Variants in TIAL1 observed in about 807,000 individuals in gnomAD.
TIAL1 encodes the protein nucleolysin TIAR.
A neutral mutation model predicts 59.7 loss-of-function variants in TIAL1; 7 were observed. That is an observed-to-expected ratio of 0.12 (90% confidence interval 0.07 to 0.22). TIAL1 has a LOEUF of 0.22. Ranked by LOEUF, TIAL1 falls within the 10% of genes least tolerant of loss-of-function variation. The probability of loss-of-function intolerance (pLI) is 1.00; values close to 1 mark genes in which losing one functional copy is unlikely to be tolerated. For synonymous variants in TIAL1, 149 were observed against 146.3 expected (o/e 1.02, Z -0.13); for missense variants, 225 against 462.5 (o/e 0.49, Z 4.71).
Position 119,575,632 on chromosome 10 carries a change from T to C in TIAL1, c.*33A>G, listed in dbSNP as rs773689402. On this transcript the variant is annotated 3_prime_UTR_variant, in exon 12 of 12. Transcript: ENST00000436547. The stretch of plus-strand genomic sequence containing the variant: ...GAGTGTCACAGGAAATCGAAGCCTA[T>C]CATGAATTACAATTTTTTTTTAGAG... 1.2e-6 allele frequency: 2 copies of C among 1,612,662 alleles called. No homozygotes were observed. The highest frequency in any genetic ancestry group is 1.1e-5 in the South Asian group (1 of 90,996).
chr10:119,580,895 A>G, intron 5 of TIAL1: 1 of 1,087,664 alleles, frequency 9.2e-7, no homozygotes, highest in Non-Finnish European at 1.2e-6. Flanking sequence ...CTTGGACTTA[A>G]GAAAAACTGC....
chr10:119,585,291 T>C (rs1047874847), intron 2 of TIAL1, among the ~76,000 whole-genome samples: 1 of 151,014 alleles, frequency 6.6e-6, no homozygotes, highest in Non-Finnish European at 1.5e-5. Flanking sequence ...AACCAATCTC[T>C]ACAAACACAT....
chr10:119,589,821 T>A (rs1016210048), intron 1 of TIAL1, among the ~76,000 whole-genome samples: 1 of 152,204 alleles, frequency 6.6e-6, no homozygotes, highest in East Asian at 1.9e-4. Context: ...TACACATAAT[T>A]CCTCAAATTT....
At chr10:119,588,588 T>C (rs932766739) in intron 1 of TIAL1, among the ~76,000 whole-genome samples, 5 of 152,280 alleles carry the variant, frequency 3.3e-5, no homozygotes, top group Admixed American at 6.5e-5. Context: ...AGGTGATCTG[T>C]CCGCCTTGGC....
rs1183934571 is a variant in TIAL1 at position 119,594,813 on chromosome 10, C to T, written c.32+1621G>A. 3.5e-4 allele frequency among the ~76,000 whole-genome samples: 53 copies of T among 152,032 alleles called. 1 individual carries two copies. Among genetic ancestry groups the T allele is most frequent in the Non-Finnish European group, 2.9e-5 (2 of 67,988 alleles). On this transcript the variant is annotated intron_variant, in intron 1 of 11. Coordinates refer to ENST00000436547, the MANE Select transcript of TIAL1 (RefSeq NM_003252.4). ...CTAATTTTTGTGTTTTTTGTAGAGA[C>T]GGAGTTTCACCGTGTTGGCCAGGAA... is the stretch of plus-strand genomic sequence containing the variant.
intron 1 of TIAL1, among the ~76,000 whole-genome samples, chr10:119,595,221 T>C (rs2134017484): frequency 6.6e-6 from 1 of 152,166 alleles, no homozygotes; most frequent in South Asian, 2.1e-4. Flanking sequence ...TAGTCAAACT[T>C]CTCGAGTGCC....
chr10:119,594,444 A>G (rs1846049091), intron 1 of TIAL1, among the ~76,000 whole-genome samples: 1 of 152,220 alleles, frequency 6.6e-6, no homozygotes, highest in Non-Finnish European at 1.5e-5. Flanking sequence ...GACCCCTGCC[A>G]TGAGTATTTA....
chr10:119,590,417 A>T (rs1182726568), intron 1 of TIAL1, among the ~76,000 whole-genome samples: 1 of 152,146 alleles, frequency 6.6e-6, no homozygotes, highest in African/African-American at 2.4e-5. Context: ...ATCTGTAAGA[A>T]AAATGAACAA....
At chr10:119,578,873 G>T (rs1263159168) in intron 6 of TIAL1, 39 bp from the exon 7 acceptor site, 2 of 1,511,036 alleles carry the variant, frequency 1.3e-6, no homozygotes, top group Non-Finnish European at 1.8e-6. Flanking sequence ...AAAGAAAAGA[G>T]TGATAAATAA....
rs1231807213 is a variant in TIAL1 at position 119,578,849 on chromosome 10, G to C, written c.448-15C>G. On this transcript the variant is annotated splice_polypyrimidine_tract_variant and intron_variant, in intron 6 of 11. Coordinates refer to ENST00000436547, the MANE Select transcript of TIAL1 (RefSeq NM_003252.4). ...TTTTCTGCATCCTATGGATAAAAAA[G>C]AAAGCACAATCACAAAGAAAAGAGT... The C allele has an allele frequency of 5.6e-6, 9 of 1,596,596 alleles. No homozygotes were observed. Among genetic ancestry groups the C allele is most frequent in the Admixed American group, 1.7e-5 (1 of 59,812 alleles).
Position 119,575,747 on chromosome 10 carries a change from G to C in TIAL1, c.1046C>G (p.Pro349Arg). ...AGGGGGAGGAGCTTGTCCTTGGGGAGGCTGAGCACCAAATCCACCCATCCA... is the reference window on the plus strand; with the variant it reads ...AGGGGGAGGAGCTTGTCCTTGGGGACGCTGAGCACCAAATCCACCCATCCA... ...AAWMGGFGAQ[P>R]PQGQAPPPVI... Residue 349 changes from proline to arginine, a missense_variant, in exon 12 of 12, where the codon CCT (proline) becomes CGT (arginine). Transcript: ENST00000436547. 6.2e-7 allele frequency: 1 copy of C among 1,602,902 alleles called. No homozygotes were observed. The highest frequency in any genetic ancestry group is 8.5e-7 in the Non-Finnish European group (1 of 1,175,368).
chr10:119,582,730 C>G lies in TIAL1; in HGVS notation c.130-173G>C, dbSNP rs1385608548. On this transcript the variant is annotated intron_variant, in intron 2 of 11. Transcript: ENST00000436547. This position sits in a 1 kb window ranked among gnomAD's most constrained non-coding sequence, Gnocchi z 5.1. The stretch of plus-strand genomic sequence containing the variant: ...ATTTAAAGCTAAACCTGACTTTGCA[C>G]CTCAGAATACTGCTGAACTCAAACG... 3.2e-6 allele frequency: 3 copies of G among 924,552 alleles called. No individual in the cohort carries two copies. The highest frequency in any genetic ancestry group is 4.5e-6 in the Non-Finnish European group (3 of 664,886). The allele number at this position is 924,552 out of a possible 1,614,324, so 57.3% of individuals were successfully genotyped here. A position where few individuals can be genotyped will look rare whatever the true frequency, so the allele number is the denominator to read the frequency against.
chr10:119,579,580 A>T (rs908818768), intron 6 of TIAL1, among the ~76,000 whole-genome samples: 1 of 152,210 alleles, frequency 6.6e-6, no homozygotes, highest in African/African-American at 2.4e-5. Flanking sequence ...GTAGAGTTAA[A>T]ACTGAGATTT....
intron 2 of TIAL1, among the ~76,000 whole-genome samples, chr10:119,586,848 T>C (rs1845592707): frequency 6.6e-6 from 1 of 152,146 alleles, no homozygotes; most frequent in Admixed American, 6.5e-5. Flanking sequence ...CTCAAAGAGG[T>C]GACATCTCTC....
At position 119,596,500 on chromosome 10, in the gene TIAL1, G is replaced by T. The variant is rs769629749; in HGVS notation, c.-35C>A. 5.5e-6 allele frequency: 8 copies of T among 1,460,044 alleles called. No homozygotes were observed. The East Asian group carries it at 1.2e-4, about 21-fold the overall frequency. The allele number at this position is 1,460,044 out of a possible 1,614,324, so 90.4% of individuals were successfully genotyped here. On this transcript the variant is annotated 5_prime_UTR_variant, in exon 1 of 12. Coordinates refer to ENST00000436547, the MANE Select transcript of TIAL1 (RefSeq NM_003252.4). Reference sequence around the variant, plus strand: ...GACGGAGCGATCCCGGGACAAGGGGGAGGGCAGGGTTGGGGAGGGGAGGGG... The same window carrying T: ...GACGGAGCGATCCCGGGACAAGGGGTAGGGCAGGGTTGGGGAGGGGAGGGG...
At chr10:119,579,821 A>C (rs1043782381) in intron 6 of TIAL1, 114 bp downstream of exon 6, 2 of 725,572 alleles carry the variant, frequency 2.8e-6, no homozygotes, top group African/African-American at 3.7e-5. Flanking sequence ...ACATTACATA[A>C]AAGTTGTGTT....
intron 1 of TIAL1, among the ~76,000 whole-genome samples, chr10:119,589,045 C>T (rs1036520851): frequency 1.3e-5 from 2 of 152,024 alleles, no homozygotes; most frequent in African/African-American, 2.4e-5. Flanking sequence ...GAACAAAGAA[C>T]AGAATTAAAG....
intron 2 of TIAL1, among the ~76,000 whole-genome samples, chr10:119,584,775 G>T (rs1589871849): frequency 5.9e-5 from 9 of 152,070 alleles, no homozygotes; most frequent in Admixed American, 5.9e-4. Context: ...GTTGCAGTGA[G>T]CCAAGATCGT....
At chr10:119,585,122 CAAAAAAAAAAAA>C (rs34500092) in intron 2 of TIAL1, among the ~76,000 whole-genome samples, 2 of 46,508 alleles carry the variant, frequency 4.3e-5, no homozygotes, top group South Asian at 9.4e-4. Context: ...GATTCCATCT[CAAAAAAAAAAAA>C]AAAAAAAAAA....
Sources: allele counts gnomAD v4.1 joint callset (sites outside exome capture counted in the v4.1 genomes callset), GRCh38; gene constraint gnomAD v4.1.1; non-coding constraint Gnocchi (gnomAD v3.1); transcripts MANE v1.5; gene names NCBI Gene and HGNC (gene_info 2026-07-23, HGNC 2026-07-21).